CD2BP2: variants seen among roughly 807,000 people sequenced by gnomAD.
CD2BP2 encodes the protein CD2 antigen cytoplasmic tail-binding protein 2.
CD2BP2 carries 27 observed loss-of-function variants against 35.9 expected under a neutral mutation model. That is an observed-to-expected ratio of 0.75 (90% CI 0.55 to 1.04). CD2BP2 has a LOEUF of 1.04. Ranked by LOEUF, CD2BP2 falls within the 50% of genes least tolerant of loss-of-function variation. CD2BP2 has a pLI of 0.00. For synonymous variants in CD2BP2, 213 were observed against 173.5 expected, an observed-to-expected ratio of 1.23 and a Z score of -1.79; for missense variants, 497 against 444.3, an observed-to-expected ratio of 1.12 and a Z score of -1.07.
rs534704111 is a variant in CD2BP2, at chr16:30,354,624, T to C, written c.58A>G (p.Ile20Val). 3.0e-5 allele frequency: 48 copies of C among 1,613,878 alleles called. No homozygotes were observed. The highest frequency in any genetic ancestry group is 3.3e-4 in the Middle Eastern group (2 of 6,060). ...CTCACCTTCTTCTTGGGGACAATGATTTCATCCTCATCCTCCTCATCTCCC... is the reference window on the plus strand; with the variant it reads ...CTCACCTTCTTCTTGGGGACAATGACTTCATCCTCATCCTCCTCATCTCCC... ...GVGDEEDEDE[I>V]IVPKKKLVDP... is the part of the protein sequence containing the mutation. Residue 20 changes from isoleucine to valine, a missense_variant, in exon 2 of 7, where the codon ATC becomes GTC. Physicochemically the swap from Ile to Val is conservative, Grantham distance 29 (BLOSUM62 3). Transcript: ENST00000305596.
intron 2 of CD2BP2, 88 bp downstream of exon 2, chr16:30,354,516 G>A (rs890951656): frequency 1.4e-6 from 2 of 1,471,580 alleles, no homozygotes; most frequent in South Asian, 1.1e-5. Context: ...TTCTCTGCCT[G>A]CCCGCCCCGC....
chr16:30,354,927 G>A (rs548639182), intron 1 of CD2BP2: 1 of 512,750 alleles, frequency 2.0e-6, no homozygotes, highest in African/African-American at 1.9e-5. Context: ...GGACCCTCTG[G>A]ATCCCCCGAC....
In CD2BP2 at chr16:30,351,620, T is replaced by C. The variant is rs531380247; in HGVS notation, c.*1365A>G. ...CCCCCAAGTCTTTCCTAGTTGCTCA[T>C]CTGGCCCTTTCTGACCTGGGATCCC... On this transcript the variant is annotated 3_prime_UTR_variant, in exon 7 of 7. Coordinates refer to ENST00000305596, the MANE Select transcript of CD2BP2 (RefSeq NM_006110.3). 6.5e-6 allele frequency: 1 copy of C among 152,702 alleles called. No individual in the cohort carries two copies. The highest frequency in any genetic ancestry group is 2.1e-4 in the South Asian group (1 of 4,824). The allele number at this position is 152,702 out of a possible 1,614,324, so 9.5% of individuals were successfully genotyped here.
At position 30,353,769 on chromosome 16, in the gene CD2BP2, C is replaced by T. The variant is rs760158722; in HGVS notation, c.407G>A (p.Arg136His). 6.9e-6 allele frequency: 11 copies of T among 1,604,396 alleles called. No homozygotes were observed. The South Asian group carries it at 7.7e-5, about 11-fold the overall frequency. The change falls in exon 5 of 7, where the codon CGC (arginine) becomes CAC (histidine). Residue 136 changes from arginine (R) to histidine (H), a missense_variant. Physicochemically the swap from Arg to His is conservative, Grantham distance 29. Transcript: ENST00000305596. Reference sequence around the variant, plus strand: ...CTCCTCCTCCGAGTCTGAGGCCTGGCGCTGGCCAGGTGGCCGCTCCCGGAT... The same window carrying T: ...CTCCTCCTCCGAGTCTGAGGCCTGGTGCTGGCCAGGTGGCCGCTCCCGGAT... ...VKIRERPPGQ[R>H]QASDSEEEDS...
chr16:30,354,316 C>T lies in CD2BP2; in HGVS notation c.85G>A (p.Asp29Asn), dbSNP rs753843959. 1 of 1,612,378 alleles carries T rather than the reference C, an allele frequency of 6.2e-7. No individual in the cohort carries two copies. The highest frequency in any genetic ancestry group is 8.5e-7 in the Non-Finnish European group (1 of 1,179,430). Residue 29 changes from aspartate to asparagine, a missense_variant, in exon 3 of 7, where the codon GAC becomes AAC. Transcript: ENST00000305596. ...GGACCCCCTGACCCAGCCACAGGGT[C>T]CACCAGCTGTGAGCAGGAGCCAGAA... ...EIIVPKKKLV[D>N]PVAGSGGPGS... is the part of the protein sequence containing the mutation.
rs1000267867 is a variant in CD2BP2 at position 30,352,463 on chromosome 16, A to G, written c.*522T>C. On this transcript the variant is annotated 3_prime_UTR_variant, in exon 7 of 7. Transcript: ENST00000305596. ...TCCCACTTCTGCCCAGCATCTAAGGAGCTTGAGAGGGTGAAGCGAGAGTAA... is the reference window on the plus strand; with the variant it reads ...TCCCACTTCTGCCCAGCATCTAAGGGGCTTGAGAGGGTGAAGCGAGAGTAA... 65 of 156,324 alleles carry G rather than the reference A, an allele frequency of 4.2e-4. No individual in the cohort carries two copies. The highest frequency in any genetic ancestry group is 1.4e-3 in the African/African-American group (57 of 41,574). The allele number at this position is 156,324 out of a possible 1,614,324, so 9.7% of individuals were successfully genotyped here.
rs1024030008 is a variant in CD2BP2, at chr16:30,352,902, A to G, written c.*83T>C. On this transcript the variant is annotated 3_prime_UTR_variant, in exon 7 of 7. Transcript: ENST00000305596. ...GAAATTGACTGAAAAATGGCCTCCA[A>G]TTTCCTCGCTGCCTGAGACACTTGG... The G allele has an allele frequency of 1.5e-5, 13 of 889,926 alleles. No individual in the cohort carries two copies. In the African/African-American group the frequency reaches 2.0e-4, roughly 14 times the overall value. The allele number at this position is 889,926 out of a possible 1,614,324, so 55.1% of individuals were successfully genotyped here.
rs1392105243 is a variant in CD2BP2, at chr16:30,350,883, T to G, written c.*2102A>C. ...CGGCTTTGTTTCTCCACGGAGGCTC[T>G]GGGGCAGAATCCAATGCCTTTTCCA... On this transcript the variant is annotated 3_prime_UTR_variant, in exon 7 of 7. Transcript: ENST00000305596. The G allele has an allele frequency of 6.6e-6, 1 of 152,544 alleles. No individual in the cohort carries two copies. The highest frequency in any genetic ancestry group is 1.5e-5 in the Non-Finnish European group (1 of 68,070). The allele number at this position is 152,544 out of a possible 1,614,324, so 9.4% of individuals were successfully genotyped here. A position where few individuals can be genotyped will look rare whatever the true frequency, so the allele number is the denominator to read the frequency against.
rs2151097715 is a variant in CD2BP2, at chr16:30,354,051, C to T, written c.225G>A (p.Glu75=). The change falls in exon 4 of 7, where the codon GAG becomes GAA. Residue 75 remains glutamate, a synonymous_variant. Transcript: ENST00000305596. ...CCCCCTCGCTGGGGAGTGTGGCTGCCTCCTGACCTGCACCAAAGACACAGG... is the reference window on the plus strand; with the variant it reads ...CCCCCTCGCTGGGGAGTGTGGCTGCTTCCTGACCTGCACCAAAGACACAGG... The part of the protein sequence containing the change: ...ILASEDVEGQ[E]AATLPSEGGV... The T allele has an allele frequency of 6.2e-7, 1 of 1,614,076 alleles. No homozygotes were observed. Among genetic ancestry groups the T allele is most frequent in the Admixed American group, 1.7e-5 (1 of 60,022 alleles).
rs1051829946 is a variant in CD2BP2 at position 30,354,509 on chromosome 16, T to TCTGC, written c.78+91_78+94dup. The TCTGC allele has an allele frequency of 2.1e-6, 3 of 1,462,596 alleles. No individual in the cohort carries two copies. In the African/African-American group the frequency reaches 4.2e-5, roughly 20 times the overall value. 90.6% of individuals were successfully genotyped at this position (1,462,596 alleles called of 1,614,324 possible). A position where few individuals can be genotyped will look rare whatever the true frequency, so the allele number is the denominator to read the frequency against. On this transcript the variant is annotated intron_variant, in intron 2 of 6. Coordinates refer to ENST00000305596, the MANE Select transcript of CD2BP2 (RefSeq NM_006110.3). ...AGAACCTGAAAAAACTAGGCTTTTCTCTGCCTGCCCGCCCCGCCCCTCTCC... is the reference window on the plus strand; with the variant it reads ...AGAACCTGAAAAAACTAGGCTTTTCTCTGCCTGCCTGCCCGCCCCGCCCCTCTCC...
rs760453994 is a variant in CD2BP2, at chr16:30,354,333, G to C, written c.79-11C>G. Reference sequence around the variant, plus strand: ...CACAGGGTCCACCAGCTGTGAGCAGGAGCCAGAAAGTTGAGAAATGCAGGT... The same window carrying C: ...CACAGGGTCCACCAGCTGTGAGCAGCAGCCAGAAAGTTGAGAAATGCAGGT... On this transcript the variant is annotated splice_polypyrimidine_tract_variant and intron_variant, in intron 2 of 6. Coordinates refer to ENST00000305596, the MANE Select transcript of CD2BP2 (RefSeq NM_006110.3). The C allele has an allele frequency of 2.5e-6, 4 of 1,606,890 alleles. No individual in the cohort carries two copies. The highest frequency in any genetic ancestry group is 3.4e-6 in the Non-Finnish European group (4 of 1,177,652).
At position 30,353,684 on chromosome 16, in the gene CD2BP2, G is replaced by A. The variant is rs753513851; in HGVS notation, c.492C>T (p.Leu164=). 2 of 1,613,840 alleles carry A rather than the reference G, an allele frequency of 1.2e-6. No individual in the cohort carries two copies. The highest frequency in any genetic ancestry group is 1.1e-5 in the South Asian group (1 of 91,072). Residue 164 remains leucine (L), a synonymous_variant, in exon 5 of 7, where the codon CTC becomes CTT. Transcript: ENST00000305596. ...AQALLEGLLE[L]LLPRETVAGA... ...CAGCCACTGTCTCTCTAGGCAATAG[G>A]AGCTCCAAAAGTCCCTCCAAGAGGG...
In CD2BP2 at chr16:30,353,773, G is replaced by A. The variant is rs931029180; in HGVS notation, c.403C>T (p.Gln135Ter). 6.2e-7 allele frequency: 1 copy of A among 1,603,748 alleles called. No homozygotes were observed. Among genetic ancestry groups the A allele is most frequent in the Non-Finnish European group, 8.5e-7 (1 of 1,174,986 alleles). ...TCCTCCGAGTCTGAGGCCTGGCGCTGGCCAGGTGGCCGCTCCCGGATCTTC... is the reference window on the plus strand; with the variant it reads ...TCCTCCGAGTCTGAGGCCTGGCGCTAGCCAGGTGGCCGCTCCCGGATCTTC... Reference protein sequence around the residue: ...WVKIRERPPGQRQASDSEEED... With the variant: ...WVKIRERPPG Residue 135 changes from glutamine to a stop codon, truncating the protein, a stop_gained, in exon 5 of 7, where the codon CAG (glutamine) becomes TAG (stop). Transcript: ENST00000305596. LOFTEE classifies it high-confidence loss of function.
At chr16:30,353,335 C>T in intron 5 of CD2BP2, 33 bp downstream of exon 5, 2 of 1,612,960 alleles carry the variant, frequency 1.2e-6, no homozygotes, top group Non-Finnish European at 1.7e-6. Flanking sequence ...TCACTTCCTA[C>T]CCACTGCCCC....
rs891494628 is a variant in CD2BP2 at position 30,352,827 on chromosome 16, C to A, written c.*158G>T. 8.1e-6 allele frequency: 5 copies of A among 617,202 alleles called. No homozygotes were observed. Among genetic ancestry groups the A allele is most frequent in the Admixed American group, 2.9e-5 (1 of 34,926 alleles). The allele number at this position is 617,202 out of a possible 1,614,324, so 38.2% of individuals were successfully genotyped here. On this transcript the variant is annotated 3_prime_UTR_variant, in exon 7 of 7. Coordinates refer to ENST00000305596, the MANE Select transcript of CD2BP2 (RefSeq NM_006110.3). Reference sequence around the variant, plus strand: ...GAGAAGGCCCCTGGCTTCTGGCCATCAGCACAGCCAAGGCCCCAGTACACA... The same window carrying A: ...GAGAAGGCCCCTGGCTTCTGGCCATAAGCACAGCCAAGGCCCCAGTACACA...
chr16:30,354,517 C>T (rs181550432), intron 2 of CD2BP2, 87 bp downstream of exon 2: 853 of 1,472,082 alleles, frequency 5.8e-4, no homozygotes, highest in Non-Finnish European at 7.7e-4. Context: ...TCTCTGCCTG[C>T]CCGCCCCGCC....
chr16:30,353,214 C>T lies in CD2BP2; in HGVS notation c.882G>A (p.Glu294=), dbSNP rs762590631. 1.6e-5 allele frequency: 26 copies of T among 1,614,080 alleles called. No individual in the cohort carries two copies. The highest frequency in any genetic ancestry group is 1.6e-4 in the Middle Eastern group (1 of 6,084). The change falls in exon 6 of 7, where the codon GAG becomes GAA. Residue 294 remains glutamate (E), a synonymous_variant. Coordinates refer to ENST00000305596, the MANE Select transcript of CD2BP2 (RefSeq NM_006110.3). ...GGGCGCTGGTGAAGGGCCCATACAG[C>T]TCGGCATCCCCCGTGTTCTCCCACT... ...EYKWENTGDA[E]LYGPFTSAQM...
At position 30,350,808 on chromosome 16, in the gene CD2BP2, A is replaced by C. The variant is rs752528389; in HGVS notation, c.*2177T>G. On this transcript the variant is annotated 3_prime_UTR_variant, in exon 7 of 7. Coordinates refer to ENST00000305596, the MANE Select transcript of CD2BP2 (RefSeq NM_006110.3). The stretch of plus-strand genomic sequence containing the variant: ...CACCAATTTATTATCTTACAGTTCT[A>C]GAGGTCAGGAGTCCAAAATGGTTTT... 2.0e-5 allele frequency: 3 copies of C among 152,256 alleles called. No individual in the cohort carries two copies. The highest frequency in any genetic ancestry group is 2.9e-5 in the Non-Finnish European group (2 of 68,046). The allele number at this position is 152,256 out of a possible 1,614,324, so 9.4% of individuals were successfully genotyped here.
At chr16:30,354,500 A>G in intron 2 of CD2BP2, 104 bp downstream of exon 2, 11 of 1,425,154 alleles carry the variant, frequency 7.7e-6, no homozygotes, top group Non-Finnish European at 1.1e-5. Flanking sequence ...TGAAAAAACT[A>G]GGCTTTTCTC....
Sources: gnomAD v4.1 joint callset for allele counts on GRCh38, gnomAD v4.1.1 for gene constraint, MANE v1.5 for transcripts, NCBI Gene and HGNC (gene_info 2026-07-23, HGNC 2026-07-21) for gene names.